ATP2B4: variants seen among roughly 807,000 people sequenced by gnomAD.
ATP2B4 encodes the protein ATPase plasma membrane Ca2+ transporting 4, also known as plasma membrane calcium-transporting ATPase 4.
In ATP2B4, 39 loss-of-function variants were observed where a neutral mutation model predicts 110.3. The ratio of observed to expected loss-of-function variants is 0.35; its 90% confidence interval spans 0.27 to 0.46. The LOEUF (loss-of-function observed/expected upper bound fraction) is 0.46. Ranked by LOEUF, ATP2B4 falls within the 20% of genes least tolerant of loss-of-function variation. The pLI is 1.00. For missense variants in ATP2B4, 1,135 were observed against 1,530.9 expected (o/e 0.74, Z 4.32); for synonymous variants, 538 against 571.7 (o/e 0.94, Z 0.84).
Position 203,710,862 on chromosome 1 carries a change from T to C in ATP2B4, c.1800-15T>C. The C allele has an allele frequency of 6.3e-7, 1 of 1,585,222 alleles. No homozygotes were observed. Among genetic ancestry groups the C allele is most frequent in the East Asian group, 2.2e-5 (1 of 44,584 alleles). On this transcript the variant is annotated splice_polypyrimidine_tract_variant and intron_variant, in intron 11 of 20. Transcript: ENST00000357681. ...GGGAAGGGAGACACCGCGTTCTTAC[T>C]GTGCGCCTCCCCAGGTGTAATCGAA... is the stretch of plus-strand genomic sequence containing the variant.
At position 203,699,916 on chromosome 1, in the gene ATP2B4, T is replaced by G. The variant is rs572260156; in HGVS notation, c.649+199T>G. On this transcript the variant is annotated intron_variant, in intron 4 of 20. Coordinates refer to ENST00000357681, the MANE Select transcript of ATP2B4 (RefSeq NM_001684.5). ...TAGCTGAAACTCTGTCGCAAGATTG[T>G]CAGACTTGTACCCTGTGTGTCTTAG... is the stretch of plus-strand genomic sequence containing the variant. 4.6e-5 allele frequency among the ~76,000 whole-genome samples: 7 copies of G among 152,338 alleles called. No individual in the cohort carries two copies. The East Asian group carries it at 1.2e-3, about 25-fold the overall frequency.
At position 203,718,919 on chromosome 1, in the gene ATP2B4, C is replaced by T. The variant is rs140897731; in HGVS notation, c.2407-1630C>T. Among the ~76,000 whole-genome samples the T allele has an allele frequency of 1.8e-3, 268 of 152,092 alleles. 3 individuals carry two copies. The highest frequency in any genetic ancestry group is 6.1e-3 in the African/African-American group (254 of 41,494). ...AGATCATTTATATCATGTTACTTTC[C>T]GTTTTGGAGATTGCTTTTTAGGCCA... On this transcript the variant is annotated intron_variant, in intron 15 of 20. Coordinates refer to ENST00000357681, the MANE Select transcript of ATP2B4 (RefSeq NM_001684.5).
chr1:203,699,815 A>G, intron 4 of ATP2B4, 98 bp downstream of exon 4: 3 of 1,529,636 alleles, frequency 2.0e-6, no homozygotes, highest in South Asian at 1.3e-5. Context: ...GAAAACCCAA[A>G]AAGATAAGAT....
At position 203,715,333 on chromosome 1, in the gene ATP2B4, G is replaced by A. The variant is rs1196300284; in HGVS notation, c.2406+1056G>A. ...TTGATTACTCTGAGGCGGGCAGATC[G>A]CCTGAGGTCAGGAGTTCGAGACCAG... On this transcript the variant is annotated intron_variant, in intron 15 of 20. Coordinates refer to ENST00000357681, the MANE Select transcript of ATP2B4 (RefSeq NM_001684.5). 2.1e-5 allele frequency among the ~76,000 whole-genome samples: 3 copies of A among 142,400 alleles called. 1 individual carries two copies. Among genetic ancestry groups the A allele is most frequent in the African/African-American group, 7.7e-5 (3 of 38,820 alleles). The allele number at this position is 142,400 out of a possible 152,430, so 93.4% of individuals were successfully genotyped here.
intron 1 of ATP2B4, among the ~76,000 whole-genome samples, chr1:203,630,669 G>T (rs965551807): frequency 6.6e-6 from 1 of 152,116 alleles, no homozygotes; most frequent in African/African-American, 2.4e-5. Context: ...TTCTTCCCCC[G>T]AAGGGCGCCC....
chr1:203,715,080 T>C (rs1436022059), intron 15 of ATP2B4, among the ~76,000 whole-genome samples: 1 of 152,150 alleles, frequency 6.6e-6, no homozygotes, highest in Non-Finnish European at 1.5e-5. Context: ...TGAATTGTTT[T>C]TGAAGCAAAT....
chr1:203,700,750 T>C (rs756225835), intron 5 of ATP2B4, 48 bp from the exon 6 acceptor site: 2 of 1,608,248 alleles, frequency 1.2e-6, no homozygotes, highest in South Asian at 2.2e-5. Flanking sequence ...AAATCATGTC[T>C]AGGTATTAAA....
chr1:203,654,386 T>C (rs1664095670), intron 1 of ATP2B4, among the ~76,000 whole-genome samples: 2 of 152,204 alleles, frequency 1.3e-5, no homozygotes, highest in South Asian at 4.1e-4. Context: ...GATGGAGACA[T>C]ACAAGGAGAT....
intron 15 of ATP2B4, among the ~76,000 whole-genome samples, chr1:203,719,225 GAA>G (rs60841821): frequency 5.5e-5 from 3 of 54,386 alleles, no homozygotes; most frequent in Non-Finnish European, 1.1e-4. Flanking sequence ...ACCCTGTCTC[GAA>G]AAAAAAAAAA....
At chr1:203,729,561 A>G (rs1666630557) in intron 20 of ATP2B4, 2 of 447,422 alleles carry the variant, frequency 4.5e-6, no homozygotes, top group South Asian at 1.7e-5. Flanking sequence ...AAAAAAAAAA[A>G]AGAAGAAGAA....
chr1:203,709,254 T>C (rs1005348212), intron 10 of ATP2B4, 47 bp from the exon 11 acceptor site: 1 of 1,608,192 alleles, frequency 6.2e-7, no homozygotes, highest in Non-Finnish European at 8.5e-7. Flanking sequence ...TTCTCTGCCT[T>C]GTCAAGGCAT....
chr1:203,659,622 C>A (rs868556700), intron 1 of ATP2B4, among the ~76,000 whole-genome samples: 9 of 152,186 alleles, frequency 5.9e-5, no homozygotes, highest in African/African-American at 9.7e-5. Context: ...TCTGATCATG[C>A]CACTGCATTC....
At chr1:203,722,747 G>A (rs1666376306) in intron 18 of ATP2B4, 58 bp downstream of exon 18, 1 of 1,553,924 alleles carries the variant, frequency 6.4e-7, no homozygotes, top group Non-Finnish European at 8.8e-7. Flanking sequence ...GCAGAAGCTG[G>A]GAGCCAGGGT....
At position 203,683,200 on chromosome 1, in the gene ATP2B4, G is replaced by T; in HGVS notation, c.-6G>T. On this transcript the variant is annotated 5_prime_UTR_variant, in exon 2 of 21. It adds an upstream start codon to the 5' untranslated region. Transcript: ENST00000357681. ...CTGGTTGAGGGGCTTGGTAACAGCA[G>T]GCAAAATGACGAACCCATCAGACCG... is the stretch of plus-strand genomic sequence containing the variant. The T allele has an allele frequency of 6.2e-7, 1 of 1,612,482 alleles. No individual in the cohort carries two copies. Among genetic ancestry groups the T allele is most frequent in the South Asian group, 1.1e-5 (1 of 90,886 alleles).
intron 1 of ATP2B4, among the ~76,000 whole-genome samples, chr1:203,637,435 CAA>C (rs57493948): frequency 0.026 from 2,284 of 89,034 alleles, 46 homozygotes; most frequent in African/African-American, 0.098. Context: ...GACTCTGTCT[CAA>C]AAAAAAAAAA....
intron 1 of ATP2B4, among the ~76,000 whole-genome samples, chr1:203,664,456 T>C (rs752090241): frequency 3.0e-4 from 46 of 152,348 alleles, no homozygotes; most frequent in Non-Finnish European, 5.4e-4. Flanking sequence ...CAAGGGCCTT[T>C]GCACATGAAA....
chr1:203,727,678 G>A, intron 20 of ATP2B4, 107 bp downstream of exon 20: 5 of 1,379,990 alleles, frequency 3.6e-6, no homozygotes, highest in Non-Finnish European at 5.0e-6. Flanking sequence ...CCCTTCCAAA[G>A]GCTCACTACT....
intron 1 of ATP2B4, among the ~76,000 whole-genome samples, chr1:203,662,908 G>A (rs952324059): frequency 1.3e-5 from 2 of 152,070 alleles, no homozygotes; most frequent in African/African-American, 4.8e-5. Flanking sequence ...CTCTTTTCTC[G>A]ACAAATACTT....
chr1:203,730,196 G>GT (rs1272340806), intron 20 of ATP2B4, among the ~76,000 whole-genome samples: 1 of 142,264 alleles, frequency 7.0e-6, no homozygotes, highest in Non-Finnish European at 1.5e-5. Context: ...TTATTCTTTT[G>GT]TTTTTACAAG....
Sources: allele counts gnomAD v4.1 joint callset (sites outside exome capture counted in the v4.1 genomes callset), GRCh38; gene constraint gnomAD v4.1.1; transcripts MANE v1.5; gene names NCBI Gene and HGNC (gene_info 2026-07-23, HGNC 2026-07-21).